Variants in MTMR10 observed in about 807,000 individuals in gnomAD.
The protein encoded by MTMR10 is myotubularin-related protein 10.
Under a neutral mutation model 88.1 loss-of-function variants are expected in MTMR10, and 56 were observed. The ratio of observed to expected loss-of-function variants is 0.64; its 90% CI spans 0.51 to 0.79. The LOEUF (loss-of-function observed/expected upper bound fraction) is 0.79, where lower values mean the gene tolerates loss of function less well. Ranked by LOEUF, MTMR10 falls within the 30% of genes least tolerant of loss-of-function variation. The pLI, the probability that MTMR10 is intolerant of heterozygous loss-of-function variation, is 0.00. For missense variants in MTMR10, 883 were observed against 924.7 expected (o/e 0.95, Z 0.58); for synonymous variants, 380 against 340.9 (o/e 1.11, Z -1.26).
chr15:30,943,113 C>G (rs370146092), intron 14 of MTMR10, 41 bp from the exon 15 acceptor site: 1 of 1,517,524 alleles, frequency 6.6e-7, no homozygotes, highest in Non-Finnish European at 8.8e-7. Flanking sequence ...ACTAAAGATT[C>G]TCTCATGAAT....
chr15:30,946,720 GA>G (rs923265665), intron 14 of MTMR10: 11 of 702,762 alleles, frequency 1.6e-5, no homozygotes, highest in Non-Finnish European at 2.6e-5. Context: ...ATTGTGACCA[GA>G]AACTTCAAAC....
rs763732663 is a variant in MTMR10, at chr15:30,941,632, G to A, written c.2172C>T (p.His724=). 14 of 1,607,618 alleles carry A rather than the reference G, an allele frequency of 8.7e-6. No individual in the cohort carries two copies. The highest frequency in any genetic ancestry group is 1.6e-4 in the Middle Eastern group (1 of 6,076). The change falls in exon 16 of 16, where the codon CAC becomes CAT. Residue 724 remains histidine, a synonymous_variant. Transcript: ENST00000435680. ...CCGGTGTCCCCGAGGTGTCGGTGTG[G>A]TGAGGGCCGCTGGCGTTGAAGTACA... The part of the protein sequence containing the change: ...SRMYFNASGP[H]HTDTSGTPEF...
rs2141049650 is a variant in MTMR10 at position 30,975,018 on chromosome 15, T to C, written c.259-15A>G. 1 of 1,506,678 alleles carries C rather than the reference T, an allele frequency of 6.6e-7. No individual in the cohort carries two copies. Among genetic ancestry groups the C allele is most frequent in the Non-Finnish European group, 9.0e-7 (1 of 1,106,636 alleles). 93.3% of individuals were successfully genotyped at this position (1,506,678 alleles called of 1,614,324 possible). A position where few individuals can be genotyped will look rare whatever the true frequency, so the allele number is the denominator to read the frequency against. ...TAATGGAATTTCTGGAATAAAAAAT[T>C]ATGTTCATATTAATTCTTTTCCCAA... is the stretch of plus-strand genomic sequence containing the variant. On this transcript the variant is annotated splice_polypyrimidine_tract_variant and intron_variant, in intron 3 of 15. Coordinates refer to ENST00000435680, the MANE Select transcript of MTMR10 (RefSeq NM_017762.3).
Position 30,961,009 on chromosome 15 carries a change from A to G in MTMR10, c.630T>C (p.Ala210=), listed in dbSNP as rs1282096427. 2.5e-6 allele frequency: 4 copies of G among 1,577,626 alleles called. No individual in the cohort carries two copies. In the South Asian group the frequency reaches 4.6e-5, roughly 18 times the overall value. Residue 210 remains alanine (A), a synonymous_variant, in exon 7 of 16, where the codon GCT becomes GCC. Transcript: ENST00000435680. ...GAGTTTTCTGGCTGCTGCCACCACCAGCTCCATTACCTCCTCCTCCTCCTC... is the reference window on the plus strand; with the variant it reads ...GAGTTTTCTGGCTGCTGCCACCACCGGCTCCATTACCTCCTCCTCCTCCTC... The part of the protein sequence containing the change: ...GGGGGGGGNG[A]GGGSSQKTPL...
At chr15:30,971,165 T>C (rs1016748415) in intron 5 of MTMR10, among the ~76,000 whole-genome samples, 3 of 152,194 alleles carry the variant, frequency 2.0e-5, no homozygotes, top group African/African-American at 7.2e-5. Context: ...CTAAGAGTTT[T>C]TGAAAGATCT....
chr15:30,975,047 T>C, intron 3 of MTMR10, 44 bp from the exon 4 acceptor site: 4 of 1,364,084 alleles, frequency 2.9e-6, no homozygotes, highest in Non-Finnish European at 4.1e-6. Flanking sequence ...TTCCCAATAA[T>C]CTCACAATGG....
rs145162826 is a variant in MTMR10 at position 30,990,944 on chromosome 15, G to GC, written c.61-108dup. ...TGATGACACATGCGAAAGACACACAGCCCCCCATTTAAATTCTTTCGCATA... is the reference window on the plus strand; with the variant it reads ...TGATGACACATGCGAAAGACACACAGCCCCCCCATTTAAATTCTTTCGCATA... On this transcript the variant is annotated intron_variant, in intron 1 of 15. Transcript: ENST00000435680. 2.9e-3 allele frequency: 2,571 copies of GC among 871,626 alleles called. 29 individuals carry two copies. The highest frequency in any genetic ancestry group is 0.028 in the African/African-American group (1,611 of 57,824). The allele number at this position is 871,626 out of a possible 1,614,324, so 54.0% of individuals were successfully genotyped here.
rs1232212239 is a variant in MTMR10, at chr15:30,943,010, A to G, written c.1611T>C (p.Val537=). 1.3e-6 allele frequency: 2 copies of G among 1,552,040 alleles called. No individual in the cohort carries two copies. The highest frequency in any genetic ancestry group is 4.9e-5 in the East Asian group (2 of 41,024). Residue 537 remains valine (V), a synonymous_variant, in exon 15 of 16, where the codon GTT becomes GTC. Coordinates refer to ENST00000435680, the MANE Select transcript of MTMR10 (RefSeq NM_017762.3). The part of the protein sequence containing the change: ...GDEKGLKFPS[V]WDWSLQFTAK... ...CTGTAAACTGGAGAGACCAGTCCCAAACAGAGGGGAATTTTAAGCCCTTCT... is the reference window on the plus strand; with the variant it reads ...CTGTAAACTGGAGAGACCAGTCCCAGACAGAGGGGAATTTTAAGCCCTTCT...
At chr15:30,984,330 G>A (rs2030799024) in intron 2 of MTMR10, among the ~76,000 whole-genome samples, 2 of 152,276 alleles carry the variant, frequency 1.3e-5, no homozygotes, top group South Asian at 4.1e-4. Context: ...AAGGCTCTAC[G>A]GGTAAGGTAT....
chr15:30,964,076 G>A (rs1222541389), intron 6 of MTMR10, among the ~76,000 whole-genome samples: 4 of 151,426 alleles, frequency 2.6e-5, no homozygotes, highest in Non-Finnish European at 5.9e-5. Flanking sequence ...CTGGATAGAG[G>A]GTGTTTATCA....
downstream of MTMR10, chr15:30,937,136 C>A (rs766350034): frequency 8.1e-6 from 13 of 1,612,808 alleles, no homozygotes; most frequent in Middle Eastern, 3.3e-4. Flanking sequence ...AAGTTAAAGG[C>A]CCCAATGATC....
At chr15:30,990,422 GCT>G (rs1477444080) in intron 2 of MTMR10, among the ~76,000 whole-genome samples, 19 of 152,130 alleles carry the variant, frequency 1.2e-4, no homozygotes, top group Admixed American at 6.5e-4. Context: ...AGTTCACTAA[GCT>G]CTGTTATTGG....
rs1171138353 is a variant in MTMR10, at chr15:30,991,224, C to T, written c.60+223G>A. On this transcript the variant is annotated intron_variant, in intron 1 of 15. Transcript: ENST00000435680. ...CTCCGCAAAACTACGGACGACAGAA[C>T]TTCGGGCAGAGAATGGCTGCAGAAG... is the stretch of plus-strand genomic sequence containing the variant. 9 of 497,040 alleles carry T rather than the reference C, an allele frequency of 1.8e-5. No homozygotes were observed. The East Asian group carries it at 3.2e-4, about 18-fold the overall frequency. The allele number at this position is 497,040 out of a possible 1,614,324, so 30.8% of individuals were successfully genotyped here.
intron 12 of MTMR10, 87 bp downstream of exon 12, chr15:30,951,881 G>A (rs2063252322): frequency 8.9e-7 from 1 of 1,127,268 alleles, no homozygotes; most frequent in Admixed American, 1.8e-5. Context: ...AGCTAAAACT[G>A]ATGTGATTTA....
In MTMR10 at chr15:30,940,508, A is replaced by C. The variant is rs1253554521; in HGVS notation, c.*962T>G. 5 of 985,328 alleles carry C rather than the reference A, an allele frequency of 5.1e-6. No individual in the cohort carries two copies. The highest frequency in any genetic ancestry group is 6.0e-6 in the Non-Finnish European group (5 of 829,954). 61.0% of individuals were successfully genotyped at this position (985,328 alleles called of 1,614,324 possible). ...ACCTCATTAGTTATTTCCAGGGGGA[A>C]GTGCCAGCAATAGTTTACCACACTG... On this transcript the variant is annotated 3_prime_UTR_variant, in exon 16 of 16. Coordinates refer to ENST00000435680, the MANE Select transcript of MTMR10 (RefSeq NM_017762.3).
the MTMR10 span, chr15:30,929,292 C>T: frequency 2.4e-5 from 38 of 1,612,858 alleles, no homozygotes; most frequent in South Asian, 6.6e-5. Context: ...ATGATGCCCC[C>T]GAGGAGAGCC....
At position 30,940,367 on chromosome 15, in the gene MTMR10, C is replaced by T. The variant is rs2063000443; in HGVS notation, c.*1103G>A. The T allele has an allele frequency of 1.0e-6, 1 of 985,306 alleles. No individual in the cohort carries two copies. The highest frequency in any genetic ancestry group is 4.7e-5 in the South Asian group (1 of 21,280). The allele number at this position is 985,306 out of a possible 1,614,324, so 61.0% of individuals were successfully genotyped here. On this transcript the variant is annotated 3_prime_UTR_variant, in exon 16 of 16. Transcript: ENST00000435680. ...TCCAAAGTTGGGGGCTGGGGGAGCA[C>T]TTCTGTCGCTATTCAAATGGCAGTG...
intron 5 of MTMR10, 196 bp from the exon 6 acceptor site, chr15:30,968,206 T>C (rs139809156): frequency 1.2e-3 from 483 of 412,720 alleles, no homozygotes; most frequent in Non-Finnish European, 1.8e-3. Flanking sequence ...CCTCAAGACA[T>C]TGTTTATCTT....
At chr15:30,974,756 C>T (rs1416352484) in intron 4 of MTMR10, among the ~76,000 whole-genome samples, 175 bp downstream of exon 4, 1 of 152,056 alleles carries the variant, frequency 6.6e-6, no homozygotes, top group Non-Finnish European at 1.5e-5. Context: ...TTTATATCTT[C>T]CTTTTAAAAT....
Sources: allele counts gnomAD v4.1 joint callset (sites outside exome capture counted in the v4.1 genomes callset), GRCh38; gene constraint gnomAD v4.1.1; transcripts MANE v1.5; gene names NCBI Gene and HGNC (gene_info 2026-07-23, HGNC 2026-07-21).